SYNDIG1: variants seen among roughly 807,000 people sequenced by gnomAD.
The protein encoded by SYNDIG1 is synapse differentiation-inducing gene protein 1.
Under a neutral mutation model 19.4 loss-of-function variants are expected in SYNDIG1, and 9 were observed. The ratio of observed to expected loss-of-function variants is 0.46; its 90% CI spans 0.28 to 0.81. The LOEUF is 0.81. Ranked by LOEUF, SYNDIG1 falls within the 30% of genes least tolerant of loss-of-function variation. The pLI is 0.12. For synonymous variants in SYNDIG1, 141 were observed against 145.9 expected, an observed-to-expected ratio of 0.97 and a Z score of 0.24; for missense variants, 311 against 343.3, an observed-to-expected ratio of 0.91 and a Z score of 0.74.
At chr20:24,579,445 A>G (rs969855364) in intron 2 of SYNDIG1, among the ~76,000 whole-genome samples, 8 of 152,218 alleles carry the variant, frequency 5.3e-5, no homozygotes, top group Admixed American at 3.9e-4. Flanking sequence ...TCTCTGTTTG[A>G]AAACTCTGTT....
intron 3 of SYNDIG1, among the ~76,000 whole-genome samples, chr20:24,603,192 A>G (rs1455931918): frequency 1.3e-5 from 2 of 152,108 alleles, no homozygotes; most frequent in East Asian, 3.9e-4. Flanking sequence ...GTCATTTCAT[A>G]AAGATGAACC....
intron 3 of SYNDIG1, among the ~76,000 whole-genome samples, chr20:24,645,347 C>T (rs1385053727): frequency 1.3e-5 from 2 of 152,216 alleles, no homozygotes. Context: ...AGGAACACAG[C>T]TCGTTTACCC....
intron 3 of SYNDIG1, among the ~76,000 whole-genome samples, chr20:24,662,663 G>A (rs368988336): frequency 3.6e-4 from 55 of 152,344 alleles, no homozygotes; most frequent in South Asian, 1.0e-3. Context: ...CCAGCCCACC[G>A]CTGGCACAAG....
At chr20:24,577,280 G>A (rs974028801) in intron 2 of SYNDIG1, among the ~76,000 whole-genome samples, 2 of 152,198 alleles carry the variant, frequency 1.3e-5, no homozygotes, top group African/African-American at 4.8e-5. Context: ...GGGGCCTCGA[G>A]ATGTTGAAGA....
In SYNDIG1 at chr20:24,659,561, G is replaced by A. The variant is rs112475281; in HGVS notation, c.619-5785G>A. 7.9e-5 allele frequency among the ~76,000 whole-genome samples: 12 copies of A among 152,336 alleles called. 1 individual carries two copies. The highest frequency in any genetic ancestry group is 2.1e-4 in the South Asian group (1 of 4,826). ...CCCTTAGCAGCTGGCTGGCAAGGCCGCTGGGAAGGTACCATGGAGAAGCTG... is the reference window on the plus strand; with the variant it reads ...CCCTTAGCAGCTGGCTGGCAAGGCCACTGGGAAGGTACCATGGAGAAGCTG... On this transcript the variant is annotated intron_variant, in intron 3 of 3. Coordinates refer to ENST00000376862, the MANE Select transcript of SYNDIG1 (RefSeq NM_024893.3).
At chr20:24,647,579 A>C (rs1600823349) in intron 3 of SYNDIG1, among the ~76,000 whole-genome samples, 1 of 151,926 alleles carries the variant, frequency 6.6e-6, no homozygotes, top group African/African-American at 2.4e-5. Context: ...TTTCGTGTGG[A>C]AATATCAGGA....
chr20:24,569,306 T>C (rs1274763694), intron 2 of SYNDIG1, among the ~76,000 whole-genome samples: 1 of 152,202 alleles, frequency 6.6e-6, no homozygotes, highest in African/African-American at 2.4e-5. Flanking sequence ...TTTTCCTCGC[T>C]CAAAGGGGTG....
In SYNDIG1 at chr20:24,627,197, A is replaced by G. The variant is rs372616564; in HGVS notation, c.619-38149A>G. Among the ~76,000 whole-genome samples, 15 of 140,118 alleles carry G rather than the reference A, an allele frequency of 1.1e-4. No individual in the cohort carries two copies. In the South Asian group the frequency reaches 3.2e-3, roughly 30 times the overall value. 91.9% of individuals were successfully genotyped at this position (140,118 alleles called of 152,430 possible). A position where few individuals can be genotyped will look rare whatever the true frequency, so the allele number is the denominator to read the frequency against. ...AGCGAGAGCGAGAGCTGCCTGGGAC[A>G]TTGAAAGGAGAATAAGAGAATGCTG... On this transcript the variant is annotated intron_variant, in intron 3 of 3. Transcript: ENST00000376862.
intron 2 of SYNDIG1, among the ~76,000 whole-genome samples, chr20:24,566,713 A>T (rs566782650): frequency 6.6e-6 from 1 of 152,298 alleles, no homozygotes; most frequent in African/African-American, 2.4e-5. Flanking sequence ...GAAAACTCAG[A>T]GTGAAGGAGC....
intron 2 of SYNDIG1, among the ~76,000 whole-genome samples, chr20:24,549,489 G>A (rs1054746595): frequency 1.3e-5 from 2 of 152,186 alleles, no homozygotes; most frequent in Non-Finnish European, 2.9e-5. Context: ...TGGTTCACCT[G>A]TTCTGTTGCT....
chr20:24,580,039 T>A (rs1009629394), intron 2 of SYNDIG1, among the ~76,000 whole-genome samples: 26 of 152,226 alleles, frequency 1.7e-4, no homozygotes, highest in Non-Finnish European at 2.9e-5. Flanking sequence ...TGGGCGGCCC[T>A]GGAGGGCACC....
chr20:24,605,630 G>T (rs1366107045), intron 3 of SYNDIG1, among the ~76,000 whole-genome samples: 1 of 152,116 alleles, frequency 6.6e-6, no homozygotes, highest in Non-Finnish European at 1.5e-5. Flanking sequence ...ATTTTAACTT[G>T]TTCTAGTGTA....
chr20:24,470,536 C>A (rs1357445810), intron 1 of SYNDIG1, among the ~76,000 whole-genome samples: 1 of 152,140 alleles, frequency 6.6e-6, no homozygotes, highest in Non-Finnish European at 1.5e-5. Flanking sequence ...TTGAATCTCG[C>A]TTTTTCCTAG....
At position 24,543,548 on chromosome 20, in the gene SYNDIG1, G is replaced by A. The variant is rs2057513184; in HGVS notation, c.451G>A (p.Glu151Lys). 1 of 1,586,132 alleles carries A rather than the reference G, an allele frequency of 6.3e-7. No homozygotes were observed. Among genetic ancestry groups the A allele is most frequent in the Non-Finnish European group, 8.6e-7 (1 of 1,167,644 alleles). ...IKIHTLSYDVEEEEEFQELES... is the reference protein window; with the variant it reads ...IKIHTLSYDVKEEEEFQELES... ...AATCCACACCCTGTCCTACGATGTG[G>A]AGGAGGAGGAGGAGTTCCAGGAGCT... Residue 151 changes from glutamate (E) to lysine (K), a missense_variant, in exon 2 of 4, where the codon GAG becomes AAG. Glu to Lys is a moderately conservative substitution (Grantham distance 56, BLOSUM62 1). Coordinates refer to ENST00000376862, the MANE Select transcript of SYNDIG1 (RefSeq NM_024893.3).
rs1170219207 is a variant in SYNDIG1 at position 24,543,156 on chromosome 20, G to A, written c.59G>A (p.Gly20Asp). 1.9e-6 allele frequency: 3 copies of A among 1,614,008 alleles called. No homozygotes were observed. Among genetic ancestry groups the A allele is most frequent in the Non-Finnish European group, 2.5e-6 (3 of 1,180,034 alleles). Residue 20 changes from glycine to aspartate, a missense_variant, in exon 2 of 4, where the codon GGC becomes GAC. By Grantham distance (94) the Gly-to-Asp change is moderately conservative (BLOSUM62 -1). Transcript: ENST00000376862. ...MLVHSKISDA[G>D]KRNGLINTRN... ...GTGCACAGTAAAATCAGTGATGCTG[G>A]CAAGAGGAATGGTTTAATTAACACC... is the stretch of plus-strand genomic sequence containing the variant.
intron 3 of SYNDIG1, among the ~76,000 whole-genome samples, chr20:24,589,657 G>A (rs2058475425): frequency 6.6e-6 from 1 of 152,248 alleles, no homozygotes; most frequent in African/African-American, 2.4e-5. Flanking sequence ...TGTGCTGGCA[G>A]ATGTCTTTGC....
intron 1 of SYNDIG1, among the ~76,000 whole-genome samples, chr20:24,509,891 G>T (rs575201983): frequency 6.6e-6 from 1 of 152,144 alleles, no homozygotes; most frequent in Non-Finnish European, 1.5e-5. Flanking sequence ...TTGGATTATG[G>T]GGGTGGTTTC....
At chr20:24,498,570 A>G (rs2056360002) in intron 1 of SYNDIG1, among the ~76,000 whole-genome samples, 1 of 152,074 alleles carries the variant, frequency 6.6e-6, no homozygotes, top group African/African-American at 2.4e-5. Context: ...TGTGAGTTTA[A>G]CTATGTTAGA....
chr20:24,614,203 T>C (rs2058893469), intron 3 of SYNDIG1, among the ~76,000 whole-genome samples: 1 of 152,078 alleles, frequency 6.6e-6, no homozygotes. Context: ...GCGGTCTCAC[T>C]ATGTTGCTCA....
Sources: allele counts gnomAD v4.1 joint callset (sites outside exome capture counted in the v4.1 genomes callset), GRCh38; gene constraint gnomAD v4.1.1; transcripts MANE v1.5; gene names NCBI Gene and HGNC (gene_info 2026-07-23, HGNC 2026-07-21).